Variants in PACS2 observed in about 807,000 individuals in gnomAD.
PACS2 encodes PACS1-like protein.
A neutral mutation model predicts 113.0 loss-of-function variants in PACS2; 36 were observed. The ratio of observed to expected loss-of-function variants is 0.32; its 90% CI spans 0.24 to 0.42. PACS2 has a LOEUF of 0.42. Among genes scored for constraint, PACS2 ranks in the 10% least tolerant of loss-of-function variants. The probability of loss-of-function intolerance (pLI) is 1.00; values close to 1 mark genes in which losing one functional copy is unlikely to be tolerated. For missense variants in PACS2, 1,015 were observed against 1,239.5 expected, an observed-to-expected ratio of 0.82 and a Z score of 2.72; for synonymous variants, 589 against 536.1, an observed-to-expected ratio of 1.10 and a Z score of -1.36.
At position 105,355,636 on chromosome 14, in the gene PACS2, T is replaced by C. The variant is rs963267770; in HGVS notation, c.423+459T>C. ...AGTTCTGTGAAGGGGCTAGCGACAA[T>C]ACCCGAGCAGGGCGGGGGCAGCACC... On this transcript the variant is annotated intron_variant, in intron 4 of 24. Coordinates refer to ENST00000447393, the MANE Select transcript of PACS2 (RefSeq NM_001100913.3). The surrounding 1 kb of genome is among the most constrained non-coding windows in gnomAD (Gnocchi z 4.1). Among the ~76,000 whole-genome samples the C allele has an allele frequency of 3.3e-5, 5 of 152,132 alleles. No homozygotes were observed. Among genetic ancestry groups the C allele is most frequent in the African/African-American group, 4.8e-5 (2 of 41,414 alleles).
rs1165489925 is a variant in PACS2 at position 105,329,196 on chromosome 14, G to A, written c.119+14159G>A. ...GAGGAGGCAGCTGTGGAGCGAGGGT[G>A]TGTACGGGAGCAGGATGGGCTGCAC... On this transcript the variant is annotated intron_variant, in intron 1 of 24. Transcript: ENST00000447393. The surrounding 1 kb of genome is among the most constrained non-coding windows in gnomAD (Gnocchi z 6.4). Among the ~76,000 whole-genome samples, 1 of 152,208 alleles carries A rather than the reference G, an allele frequency of 6.6e-6. No individual in the cohort carries two copies. Among genetic ancestry groups the A allele is most frequent in the Admixed American group, 6.5e-5 (1 of 15,278 alleles).
Position 105,385,696 on chromosome 14 carries a change from T to C in PACS2, c.2012T>C (p.Phe671Ser). The C allele has an allele frequency of 3.3e-6, 5 of 1,521,338 alleles. No individual in the cohort carries two copies. Among genetic ancestry groups the C allele is most frequent in the Non-Finnish European group, 4.4e-6 (5 of 1,137,786 alleles). 94.2% of individuals were successfully genotyped at this position (1,521,338 alleles called of 1,614,324 possible). ...LTYKQKRKKH[F>S]HFDFTLSPDE... is the part of the protein sequence containing the mutation. ...GGCTTTCTGAAAAGGAAAAAGCATT[T>C]TCATTTTGACTTTACCCTAAGGTAC... Residue 671 changes from phenylalanine (F) to serine (S), a missense_variant, in exon 19 of 25, where the codon TTT becomes TCT. Physicochemically the swap from Phe to Ser is radical, Grantham distance 155. Transcript: ENST00000447393.
chr14:105,378,784 T>C (rs1043282165), intron 9 of PACS2, among the ~76,000 whole-genome samples: 6 of 152,232 alleles, frequency 3.9e-5, no homozygotes, highest in African/African-American at 1.4e-4. Context: ...TTTTTCTTCG[T>C]ACATATTATA....
intron 8 of PACS2, among the ~76,000 whole-genome samples, chr14:105,373,195 G>C (rs2061223512): frequency 6.6e-6 from 1 of 152,230 alleles, no homozygotes; most frequent in African/African-American, 2.4e-5. Context: ...GTGCGTATCA[G>C]ATTCCCAGCT....
intron 8 of PACS2, chr14:105,375,070 C>T (rs1297176330): frequency 6.6e-6 from 1 of 152,350 alleles, no homozygotes. Flanking sequence ...GGGAGGATCA[C>T]TTGAGCCCAG....
intron 4 of PACS2, among the ~76,000 whole-genome samples, chr14:105,361,713 GCCAAGGCGGGCAGGTCA>G (rs1240554389): frequency 8.5e-5 from 13 of 152,294 alleles, no homozygotes; most frequent in African/African-American, 2.6e-4. Context: ...ACTTTGGGAG[GCCAAGGCGGGCAGGTCA>G]CCTGAGGTCG....
rs73359029 is a variant in PACS2, at chr14:105,335,188, C to T, written c.120-13305C>T. Among the ~76,000 whole-genome samples the T allele has an allele frequency of 9.4e-3, 1,427 of 152,354 alleles. 26 individuals carry two copies. The highest frequency in any genetic ancestry group is 0.033 in the African/African-American group (1,361 of 41,588). ...GTGGAGCCCAGCACTGAGGGCCGGA[C>T]GTGTGTTTGCAGCATTGTTCTCACA... On this transcript the variant is annotated intron_variant, in intron 1 of 24. Transcript: ENST00000447393.
rs1358046483 is a variant in PACS2 at position 105,340,141 on chromosome 14, T to C, written c.120-8352T>C. On this transcript the variant is annotated intron_variant, in intron 1 of 24. Coordinates refer to ENST00000447393, the MANE Select transcript of PACS2 (RefSeq NM_001100913.3). The surrounding 1 kb of genome is among the most constrained non-coding windows in gnomAD (Gnocchi z 4.2). ...ATTAGCTATGCTAGTTAAAACAATA[T>C]GGAATTGGCAGAAGTATAAACATTG... Among the ~76,000 whole-genome samples, 1 of 152,206 alleles carries C rather than the reference T, an allele frequency of 6.6e-6. No homozygotes were observed. Among genetic ancestry groups the C allele is most frequent in the Non-Finnish European group, 1.5e-5 (1 of 68,050 alleles).
chr14:105,381,670 C>T (rs1299724548), intron 12 of PACS2, among the ~76,000 whole-genome samples: 2 of 152,248 alleles, frequency 1.3e-5, no homozygotes. Flanking sequence ...CGAAGTCTCA[C>T]AGGCAGAGCT....
Position 105,348,397 on chromosome 14 carries a change from T to G in PACS2, c.120-96T>G. 1 of 913,052 alleles carries G rather than the reference T, an allele frequency of 1.1e-6. No homozygotes were observed. Among genetic ancestry groups the G allele is most frequent in the Non-Finnish European group, 1.7e-6 (1 of 582,938 alleles). The allele number at this position is 913,052 out of a possible 1,614,324, so 56.6% of individuals were successfully genotyped here. ...TCACACCCCGCCCTGCACCCCAGGG[T>G]GCAGGCTCCCGGGGTGACACAGTGC... On this transcript the variant is annotated intron_variant, in intron 1 of 24. Transcript: ENST00000447393. The surrounding 1 kb of genome is among the most constrained non-coding windows in gnomAD (Gnocchi z 6.4).
intron 1 of PACS2, among the ~76,000 whole-genome samples, chr14:105,308,697 G>A (rs954930813): frequency 1.3e-5 from 2 of 151,840 alleles, no homozygotes; most frequent in Admixed American, 1.3e-4. Flanking sequence ...TGGCCAGGCT[G>A]GTCTGGAACT....
At position 105,303,083 on chromosome 14, in the gene PACS2, C is replaced by A. The variant is rs587632106; in HGVS notation, c.-83+2104C>A. On this transcript the variant is annotated intron_variant, in intron 1 of 23. Transcript: ENST00000430725. ...AGCTGGAATTACAGGCATGTGCCAC[C>A]ACGCCCAGCTAATTTTTGTATTTTT... is the stretch of plus-strand genomic sequence containing the variant. 5.3e-5 allele frequency among the ~76,000 whole-genome samples: 8 copies of A among 152,288 alleles called. No individual in the cohort carries two copies. In the South Asian group the frequency reaches 1.7e-3, roughly 32 times the overall value.
chr14:105,383,263 AC>A, intron 15 of PACS2, 95 bp from the exon 16 acceptor site: 1 of 1,412,818 alleles, frequency 7.1e-7, no homozygotes, highest in East Asian at 2.3e-5. Context: ...GGCCACAGGC[AC>A]GGAGCCCCCT....
Position 105,381,000 on chromosome 14 carries a change from G to T in PACS2, c.1169G>T (p.Ser390Ile). The T allele has an allele frequency of 6.2e-7, 1 of 1,612,520 alleles. No homozygotes were observed. The highest frequency in any genetic ancestry group is 8.5e-7 in the Non-Finnish European group (1 of 1,179,710). ...GAGCACCCTGGACAGCCTGAGGACA[G>T]CCCCGAGGCTGAGGCCTCCACCCTG... ...PREHPGQPED[S>I]PEAEASTLDV... The change falls in exon 12 of 25, where the codon AGC becomes ATC. Residue 390 changes from serine (S) to isoleucine (I), a missense_variant. By Grantham distance (142) the Ser-to-Ile change is moderately radical. This residue lies in a region of PACS2 where 859 missense variants were observed against 1,056.8 expected (regional missense o/e 0.81). Coordinates refer to ENST00000447393, the MANE Select transcript of PACS2 (RefSeq NM_001100913.3).
At chr14:105,386,728 C>T (rs587683576) in intron 19 of PACS2, among the ~76,000 whole-genome samples, 11 of 152,248 alleles carry the variant, frequency 7.2e-5, no homozygotes, top group African/African-American at 2.6e-4. Flanking sequence ...AGGAGCTGCT[C>T]GAAGTGGGCA....
chr14:105,349,495 A>G (rs2060075169), intron 2 of PACS2, among the ~76,000 whole-genome samples: 1 of 152,156 alleles, frequency 6.6e-6, no homozygotes, highest in Non-Finnish European at 1.5e-5. Context: ...GATTCTTGAC[A>G]CCTGCTGTGG....
intron 11 of PACS2, 55 bp downstream of exon 11, chr14:105,380,209 G>A: frequency 7.0e-7 from 1 of 1,430,122 alleles, no homozygotes; most frequent in Non-Finnish European, 9.6e-7. Context: ...CACCAATGCT[G>A]CCTTTAAGGG....
intron 19 of PACS2, among the ~76,000 whole-genome samples, chr14:105,386,182 C>G (rs2081170616): frequency 6.6e-6 from 1 of 152,224 alleles, no homozygotes; most frequent in African/African-American, 2.4e-5. Context: ...TTCCCAGGCC[C>G]TTCACGTTTG....
chr14:105,364,654 A>G (rs2060881295), intron 4 of PACS2, among the ~76,000 whole-genome samples: 1 of 136,318 alleles, frequency 7.3e-6, no homozygotes. Context: ...TTATTGTAGT[A>G]TTTGTACAAT....
Sources: allele counts gnomAD v4.1 joint callset (sites outside exome capture counted in the v4.1 genomes callset), GRCh38; gene constraint gnomAD v4.1.1; regional missense constraint gnomAD v4.1.1; non-coding constraint Gnocchi (gnomAD v3.1); transcripts MANE v1.5; gene names NCBI Gene and HGNC (gene_info 2026-07-23, HGNC 2026-07-21).